Variants in POLR3A observed in about 807,000 individuals in gnomAD.
The protein encoded by POLR3A is DNA-directed RNA polymerase III subunit RPC1.
POLR3A carries 112 observed loss-of-function variants against 152.8 expected under a neutral mutation model. The ratio of observed to expected loss-of-function variants is 0.73; its 90% CI spans 0.63 to 0.86. The LOEUF (loss-of-function observed/expected upper bound fraction) is 0.86. Among genes scored for constraint, POLR3A ranks in the 40% least tolerant of loss-of-function variants. The probability of loss-of-function intolerance (pLI) is 0.00; values close to 1 mark genes in which losing one functional copy is unlikely to be tolerated. For missense variants in POLR3A, 1,385 were observed against 1,743.1 expected, an observed-to-expected ratio of 0.79 and a Z score of 3.66; for synonymous variants, 615 against 652.1, an observed-to-expected ratio of 0.94 and a Z score of 0.87.
intron 19 of POLR3A, among the ~76,000 whole-genome samples, chr10:77,994,998 A>G (rs1416194479): frequency 6.6e-6 from 1 of 152,160 alleles, no homozygotes; most frequent in Non-Finnish European, 1.5e-5. Context: ...GAGAGTGGGG[A>G]CCAATATTCA....
intron 19 of POLR3A, among the ~76,000 whole-genome samples, chr10:77,996,975 G>A (rs1171621648): frequency 2.0e-5 from 3 of 152,194 alleles, no homozygotes; most frequent in East Asian, 3.9e-4. Flanking sequence ...TGATCAAGTC[G>A]GCTTCATCCC....
At position 78,026,126 on chromosome 10, in the gene POLR3A, G is replaced by C. The variant is rs746680609; in HGVS notation, c.148C>G (p.Pro50Ala). ...NLYSQDNQHA[P>A]LLYGVLDHRM... ...TGGTCGAGCACCCCATATAGCAAGG[G>C]GGCATGTTGGTTGTCCTGGCTGTAC... Residue 50 changes from proline to alanine, a missense_variant, in exon 2 of 31, where the codon CCC (proline) becomes GCC (alanine). Around this residue, in one of 7 missense-constraint regions of POLR3A, gnomAD observed 493 missense variants for 647.5 expected, o/e 0.76. Coordinates refer to ENST00000372371, the MANE Select transcript of POLR3A (RefSeq NM_007055.4). 1.9e-6 allele frequency: 3 copies of C among 1,614,088 alleles called. No homozygotes were observed. The highest frequency in any genetic ancestry group is 2.5e-6 in the Non-Finnish European group (3 of 1,180,048).
Position 78,017,691 on chromosome 10 carries a change from T to G in POLR3A, c.1315A>C (p.Lys439Gln). ...CCATACTTGAGCTCTTGAGCCATCT[T>G]TTCTCGATTTCCGTATTTCAAAAAC... Reference protein sequence around the residue: ...KRFLKYGNREKMAQELKYGDI... With the variant: ...KRFLKYGNREQMAQELKYGDI... The change falls in exon 10 of 31, where the codon AAG (lysine) becomes CAG (glutamine). Residue 439 changes from lysine to glutamine, a missense_variant. By Grantham distance (53) the Lys-to-Gln change is moderately conservative. This residue lies in a region of POLR3A where 493 missense variants were observed against 647.5 expected (regional missense o/e 0.76). Coordinates refer to ENST00000372371, the MANE Select transcript of POLR3A (RefSeq NM_007055.4). 6.2e-7 allele frequency: 1 copy of G among 1,614,164 alleles called. No homozygotes were observed. Among genetic ancestry groups the G allele is most frequent in the Non-Finnish European group, 8.5e-7 (1 of 1,180,022 alleles).
chr10:77,992,438 C>CTTTTTTT (rs71030926), intron 20 of POLR3A, among the ~76,000 whole-genome samples: 2 of 76,540 alleles, frequency 2.6e-5, no homozygotes, highest in Non-Finnish European at 4.8e-5. Flanking sequence ...CTGGCTAATT[C>CTTTTTTT]TTTTTTTTTT....
At chr10:78,016,949 T>C (rs7912445) in intron 10 of POLR3A, among the ~76,000 whole-genome samples, 4,829 of 152,130 alleles carry the variant, frequency 0.032, 283 homozygotes, top group African/African-American at 0.11. Context: ...TATACGTGTA[T>C]ATGTTTTTGT....
At chr10:77,980,675 A>G (rs778288048) in intron 29 of POLR3A, among the ~76,000 whole-genome samples, 7 of 152,244 alleles carry the variant, frequency 4.6e-5, no homozygotes, top group Admixed American at 2.0e-4. Flanking sequence ...TTTAAAAAGT[A>G]TATTTATTAA....
Position 77,985,901 on chromosome 10 carries a change from A to AC in POLR3A, c.3071+1dup. On this transcript the variant is annotated splice_donor_variant, in intron 23 of 30. Coordinates refer to ENST00000372371, the MANE Select transcript of POLR3A (RefSeq NM_007055.4). LOFTEE classifies it high-confidence loss of function. The stretch of plus-strand genomic sequence containing the variant: ...GTCAGTCCAAGACAAAAGCATCCCT[A>AC]CCTCATGTACTTGTCCCTACAGGTC... 1.2e-6 allele frequency: 2 copies of AC among 1,610,988 alleles called. No homozygotes were observed. The highest frequency in any genetic ancestry group is 1.7e-6 in the Non-Finnish European group (2 of 1,177,142).
intron 30 of POLR3A, 23 bp downstream of exon 30, chr10:77,980,118 G>A: frequency 6.2e-7 from 1 of 1,610,432 alleles, no homozygotes; most frequent in South Asian, 1.1e-5. Context: ...CTTTGATGCT[G>A]TTCATAGAAA....
At chr10:77,997,282 A>G (rs1375075135) in intron 19 of POLR3A, among the ~76,000 whole-genome samples, 1 of 152,204 alleles carries the variant, frequency 6.6e-6, no homozygotes, top group Non-Finnish European at 1.5e-5. Flanking sequence ...TACCACTCCT[A>G]TTCAACATAG....
intron 19 of POLR3A, among the ~76,000 whole-genome samples, chr10:77,994,935 G>A (rs1470416814): frequency 3.3e-5 from 5 of 152,310 alleles, no homozygotes; most frequent in African/African-American, 9.6e-5. Context: ...CCCACAAAGG[G>A]AAGCCCATCA....
At chr10:78,005,445 TCA>T in intron 15 of POLR3A, among the ~76,000 whole-genome samples, 1 of 152,312 alleles carries the variant, frequency 6.6e-6, no homozygotes, top group East Asian at 1.9e-4. Flanking sequence ...AGACCCTGTG[TCA>T]CACACACAAA....
At chr10:78,028,585 C>A (rs550388126) in intron 1 of POLR3A, among the ~76,000 whole-genome samples, 1 of 152,042 alleles carries the variant, frequency 6.6e-6, no homozygotes, top group Admixed American at 6.6e-5. Context: ...CCCACTGCAA[C>A]CTCTGCCTCC....
chr10:77,980,071 G>A, intron 30 of POLR3A, 70 bp downstream of exon 30: 1 of 1,440,392 alleles, frequency 6.9e-7, no homozygotes, highest in Non-Finnish European at 9.8e-7. Context: ...CATTCCCTTG[G>A]AAGCCTAGCC....
At position 77,979,976 on chromosome 10, in the gene POLR3A, T is replaced by C. The variant is rs58356216; in HGVS notation, c.4024+165A>G. Among the ~76,000 whole-genome samples the C allele has an allele frequency of 0.011, 1,651 of 152,298 alleles. 29 individuals carry two copies. The highest frequency in any genetic ancestry group is 0.037 in the African/African-American group (1,539 of 41,556). On this transcript the variant is annotated intron_variant, in intron 30 of 30. Coordinates refer to ENST00000372371, the MANE Select transcript of POLR3A (RefSeq NM_007055.4). ...GGATGCAGGATGCTACAGTCAGGAT[T>C]TGGAGATAAAAGATCCAGCAGTTCC...
intron 11 of POLR3A, 31 bp downstream of exon 11, chr10:78,013,619 T>C (rs747473814): frequency 9.9e-6 from 16 of 1,611,974 alleles, no homozygotes; most frequent in Admixed American, 1.7e-5. Flanking sequence ...GGAGCTGTTA[T>C]GCAAAAGCTG....
chr10:78,009,515 C>T lies in POLR3A; in HGVS notation c.1909+22G>A, dbSNP rs191875469. ...TTTCTGTCACGTTCCTCCTTCTCCC[C>T]ACCCGAGTTCCGTCCACTCACAGGA... On this transcript the variant is annotated intron_variant, in intron 14 of 30. Transcript: ENST00000372371. 3,888 of 1,614,202 alleles carry T rather than the reference C, an allele frequency of 2.4e-3. 10 individuals are homozygous for T. Among genetic ancestry groups the T allele is most frequent in the Non-Finnish European group, 3.0e-3 (3,548 of 1,180,026 alleles).
chr10:78,019,482 G>A, intron 8 of POLR3A: 1 of 587,966 alleles, frequency 1.7e-6, no homozygotes, highest in Non-Finnish European at 3.0e-6. Flanking sequence ...TTTGCTCACT[G>A]AGTGACATGG....
intron 18 of POLR3A, among the ~76,000 whole-genome samples, chr10:78,000,676 A>G (rs1847348394): frequency 6.6e-6 from 1 of 152,230 alleles, no homozygotes; most frequent in Non-Finnish European, 1.5e-5. Context: ...TAATAATTAC[A>G]TATGAAGTAT....
intron 20 of POLR3A, among the ~76,000 whole-genome samples, chr10:77,992,797 C>A (rs1018332727): frequency 6.6e-6 from 1 of 152,016 alleles, no homozygotes; most frequent in Non-Finnish European, 1.5e-5. Flanking sequence ...GCCTTGGCCT[C>A]CCAAATTGCT....
Sources: gnomAD v4.1 joint callset for allele counts (sites outside exome capture counted in the v4.1 genomes callset) on GRCh38, gnomAD v4.1.1 for gene constraint, gnomAD v4.1.1 regional missense constraint, MANE v1.5 for transcripts, NCBI Gene and HGNC (gene_info 2026-07-23, HGNC 2026-07-21) for gene names.